ANO5: variants seen among roughly 807,000 people sequenced by gnomAD.
ANO5 encodes anoctamin-5.
ANO5 carries 109 observed loss-of-function variants against 121.0 expected under a neutral mutation model. The observed-to-expected ratio is 0.90, with a 90% CI of 0.77 to 1.06. The LOEUF (loss-of-function observed/expected upper bound fraction) is 1.06, where lower values mean the gene tolerates loss of function less well. ANO5 is among the 50% of genes least tolerant of loss of function. The pLI is 0.00. For missense variants in ANO5, 1,064 were observed against 1,078.5 expected, an observed-to-expected ratio of 0.99 and a Z score of 0.19; for synonymous variants, 406 against 359.9, an observed-to-expected ratio of 1.13 and a Z score of -1.45.
At chr11:22,192,733 G>A (rs1851685894), upstream of ANO5, among the ~76,000 whole-genome samples, 1 of 152,218 alleles carries the variant, frequency 6.6e-6, no homozygotes, top group South Asian at 2.1e-4. Context: ...GGAGGGAAGC[G>A]GCAGCCCTGG....
intron 15 of ANO5, chr11:22,261,434 G>A (rs536801206): frequency 6.6e-6 from 1 of 152,598 alleles, no homozygotes; most frequent in Non-Finnish European, 1.5e-5. Flanking sequence ...GGAGACAGAG[G>A]CAGGTGGATC....
At chr11:22,273,334 G>A (rs1854699731) in intron 19 of ANO5, among the ~76,000 whole-genome samples, 1 of 152,012 alleles carries the variant, frequency 6.6e-6, no homozygotes, top group Non-Finnish European at 1.5e-5. Context: ...TACCTGTTGT[G>A]TTTATGAAAC....
intron 1 of ANO5, among the ~76,000 whole-genome samples, chr11:22,195,590 C>T (rs1230783803): frequency 6.6e-6 from 1 of 151,976 alleles, no homozygotes; most frequent in African/African-American, 2.4e-5. Context: ...CCACGACCTC[C>T]CCAGCTAATT....
rs1389439272 is a variant in ANO5, at chr11:22,283,064, G to A, written c.*3299G>A. 1 of 152,110 alleles carries A rather than the reference G, an allele frequency of 6.6e-6. No homozygotes were observed. The highest frequency in any genetic ancestry group is 2.4e-5 in the African/African-American group (1 of 41,416). 9.4% of individuals were successfully genotyped at this position (152,110 alleles called of 1,614,324 possible). ...TATTCTATTTATTTCAGCATTATGTGAAAAATGATAAGAATGTTAAAAAGA... is the reference window on the plus strand; with the variant it reads ...TATTCTATTTATTTCAGCATTATGTAAAAAATGATAAGAATGTTAAAAAGA... On this transcript the variant is annotated 3_prime_UTR_variant, in exon 22 of 22. Transcript: ENST00000324559.
chr11:22,193,470 G>A lies in ANO5; in HGVS notation c.-23G>A, dbSNP rs778006260. The A allele has an allele frequency of 1.2e-6, 2 of 1,609,656 alleles. No individual in the cohort carries two copies. Among genetic ancestry groups the A allele is most frequent in the South Asian group, 2.2e-5 (2 of 89,824 alleles). ...CTCTCCTGCTGCCTCTCAGGCACCA[G>A]TGCCATTAACGAGCTGGCGAAGATG... On this transcript the variant is annotated 5_prime_UTR_variant, in exon 1 of 22. In the 5' UTR this introduces an upstream ATG that the reference lacks. Transcript: ENST00000324559.
intron 4 of ANO5, among the ~76,000 whole-genome samples, chr11:22,220,048 C>T (rs546880553): frequency 1.5e-3 from 225 of 151,914 alleles, no homozygotes; most frequent in Non-Finnish European, 2.8e-3. Context: ...AGACTTATGG[C>T]TTATTTGCAT....
intron 3 of ANO5, among the ~76,000 whole-genome samples, chr11:22,215,831 A>G (rs1852424595): frequency 6.6e-6 from 1 of 151,860 alleles, no homozygotes; most frequent in Non-Finnish European, 1.5e-5. Context: ...CTCCTACCAT[A>G]TTCTAGCAAC....
At chr11:22,222,429 T>C (rs931164591) in intron 5 of ANO5, among the ~76,000 whole-genome samples, 7 of 151,968 alleles carry the variant, frequency 4.6e-5, no homozygotes, top group African/African-American at 9.7e-5. Flanking sequence ...AGCCATTCAC[T>C]CACCTAGAAC....
At chr11:22,259,210 C>T (rs748241331) in intron 14 of ANO5, among the ~76,000 whole-genome samples, 2 of 151,848 alleles carry the variant, frequency 1.3e-5, no homozygotes, top group African/African-American at 2.4e-5. Flanking sequence ...GGCAAGGCCA[C>T]GGGCAGGATT....
At chr11:22,265,046 C>G (rs778443811) in intron 17 of ANO5, among the ~76,000 whole-genome samples, 2 of 152,006 alleles carry the variant, frequency 1.3e-5, no homozygotes, top group Admixed American at 6.6e-5. Context: ...AAAAAATATT[C>G]GAATAGGTAA....
chr11:22,274,192 A>ACACACACACACC (rs57239068), intron 19 of ANO5, among the ~76,000 whole-genome samples: 5 of 146,356 alleles, frequency 3.4e-5, no homozygotes, highest in East Asian at 3.9e-4. Context: ...ACACACACAC[A>ACACACACACACC]CCCGCAGTCC....
chr11:22,211,752 C>G (rs1299341067), intron 3 of ANO5, among the ~76,000 whole-genome samples: 2 of 151,836 alleles, frequency 1.3e-5, no homozygotes, highest in African/African-American at 4.8e-5. Flanking sequence ...AAAAATCAAA[C>G]TTAAATATCA....
rs1011477684 is a variant in ANO5, at chr11:22,282,121, C to T, written c.*2356C>T. The T allele has an allele frequency of 6.6e-6, 1 of 152,130 alleles. No homozygotes were observed. The highest frequency in any genetic ancestry group is 6.5e-5 in the Admixed American group (1 of 15,274). The allele number at this position is 152,130 out of a possible 1,614,324, so 9.4% of individuals were successfully genotyped here. On this transcript the variant is annotated 3_prime_UTR_variant, in exon 22 of 22. Transcript: ENST00000324559. ...CTGCATTAAGAGCACCCAACCACCACATGTAAGTTGATAATTACCAGCATG... is the reference window on the plus strand; with the variant it reads ...CTGCATTAAGAGCACCCAACCACCATATGTAAGTTGATAATTACCAGCATG...
intron 21 of ANO5, among the ~76,000 whole-genome samples, chr11:22,278,681 C>T (rs1156809950): frequency 5.9e-5 from 9 of 151,484 alleles, no homozygotes; most frequent in Admixed American, 1.3e-4. Context: ...AGGTTGATAA[C>T]GTAGTGAGCT....
At chr11:22,198,668 A>C (rs1262584307) in intron 1 of ANO5, among the ~76,000 whole-genome samples, 3 of 152,196 alleles carry the variant, frequency 2.0e-5, no homozygotes, top group Non-Finnish European at 4.4e-5. Context: ...AACCTAGCTT[A>C]AGGTTTGCAG....
chr11:22,245,755 T>G (rs1257571079), intron 9 of ANO5, among the ~76,000 whole-genome samples: 1 of 152,188 alleles, frequency 6.6e-6, no homozygotes, highest in African/African-American at 2.4e-5. Context: ...ACATTCTCAA[T>G]GTGTTGTCTG....
At chr11:22,236,461 C>T (rs946686024) in intron 8 of ANO5, among the ~76,000 whole-genome samples, 185 bp downstream of exon 8, 3 of 152,156 alleles carry the variant, frequency 2.0e-5, no homozygotes, top group Admixed American at 2.0e-4. Context: ...GTAAATGTAT[C>T]TTTAAGGTTT....
At chr11:22,197,506 G>A (rs2133491694) in intron 1 of ANO5, among the ~76,000 whole-genome samples, 1 of 152,228 alleles carries the variant, frequency 6.6e-6, no homozygotes, top group Non-Finnish European at 1.5e-5. Context: ...CATTGGAAAA[G>A]GCAGATTAAA....
intron 14 of ANO5, 68 bp downstream of exon 14, chr11:22,257,822 T>C: frequency 7.7e-7 from 1 of 1,302,372 alleles, no homozygotes; most frequent in African/African-American, 1.5e-5. Context: ...CTCAACAGTG[T>C]TACCTACAAT....
Sources: gnomAD v4.1 joint callset for allele counts (sites outside exome capture counted in the v4.1 genomes callset) on GRCh38, gnomAD v4.1.1 for gene constraint, MANE v1.5 for transcripts, NCBI Gene and HGNC (gene_info 2026-07-23, HGNC 2026-07-21) for gene names.